ANXA5: variants seen among roughly 807,000 people sequenced by gnomAD.
ANXA5 encodes the protein CBP-I.
ANXA5 carries 40 observed loss-of-function variants against 48.1 expected under a neutral mutation model. That is an observed-to-expected ratio of 0.83 (90% confidence interval 0.65 to 1.08). ANXA5 has a LOEUF of 1.08. Ranked by LOEUF, ANXA5 falls within the 50% of genes least tolerant of loss-of-function variation. The pLI is 0.00. For missense variants in ANXA5, 357 were observed against 376.8 expected (o/e 0.95, Z 0.44); for synonymous variants, 113 against 129.1 (o/e 0.88, Z 0.85).
intron 6 of ANXA5, 135 bp downstream of exon 6, chr4:121,681,536 G>GGTC (rs1724792491): frequency 1.7e-6 from 1 of 578,336 alleles, no homozygotes; most frequent in Non-Finnish European, 3.1e-6. Context: ...TTGAATTGCA[G>GGTC]GTCATTCATT....
intron 4 of ANXA5, 94 bp from the exon 5 acceptor site, chr4:121,683,571 T>C: frequency 1.5e-6 from 1 of 678,234 alleles, no homozygotes; most frequent in Non-Finnish European, 2.5e-6. Flanking sequence ...TAATGAATTC[T>C]TTATGTTGCT....
Position 121,686,289 on chromosome 4 carries a change from C to G in ANXA5, c.93G>C (p.Leu31Phe). ...TTAGAAAGAGGAAGCTAAATTTACCCAAGCCTTTCATAGCCTTCCGAAGAG... is the reference window on the plus strand; with the variant it reads ...TTAGAAAGAGGAAGCTAAATTTACCGAAGCCTTTCATAGCCTTCCGAAGAG... Reference protein sequence around the residue: ...AETLRKAMKGLGTDEESILTL... With the variant: ...AETLRKAMKGFGTDEESILTL... Residue 31 changes from leucine to phenylalanine, a missense_variant and splice_region_variant, in exon 3 of 13, where the codon TTG becomes TTC. Physicochemically the swap from Leu to Phe is conservative, Grantham distance 22. Transcript: ENST00000296511. 6.2e-7 allele frequency: 1 copy of G among 1,613,048 alleles called. No individual in the cohort carries two copies. The highest frequency in any genetic ancestry group is 8.5e-7 in the Non-Finnish European group (1 of 1,179,494).
chr4:121,670,021 A>G lies in ANXA5; in HGVS notation c.722-9T>C. 6.3e-7 allele frequency: 1 copy of G among 1,581,654 alleles called. No homozygotes were observed. Among genetic ancestry groups the G allele is most frequent in the Non-Finnish European group, 8.6e-7 (1 of 1,158,540 alleles). ...ACTTCGAATAGATTTCACTAAGAAA[A>G]TAAACAATACAATGGTCAAATGCTA... On this transcript the variant is annotated splice_polypyrimidine_tract_variant and intron_variant, in intron 10 of 12. Transcript: ENST00000296511.
intron 3 of ANXA5, 93 bp downstream of exon 3, chr4:121,686,195 T>C: frequency 1.0e-6 from 1 of 974,778 alleles, no homozygotes; most frequent in Admixed American, 2.1e-5. Flanking sequence ...AGATTTCAGA[T>C]CAAAATATTC....
intron 2 of ANXA5, among the ~76,000 whole-genome samples, chr4:121,690,657 T>A (rs1377796363): frequency 6.6e-6 from 1 of 152,000 alleles, no homozygotes; most frequent in Non-Finnish European, 1.5e-5. Context: ...AGGGAGAGGT[T>A]AGAAACAGAA....
At chr4:121,690,844 A>G (rs1724970736) in intron 2 of ANXA5, among the ~76,000 whole-genome samples, 1 of 152,222 alleles carries the variant, frequency 6.6e-6, no homozygotes, top group East Asian at 1.9e-4. Context: ...CTTTTGCTAC[A>G]TTCCATACAG....
intron 7 of ANXA5, 77 bp from the exon 8 acceptor site, chr4:121,678,027 T>G: frequency 9.3e-7 from 1 of 1,072,554 alleles, no homozygotes. Context: ...CACCTGATGG[T>G]TATTCAATAA....
At position 121,671,646 on chromosome 4, in the gene ANXA5, G is replaced by GA; in HGVS notation, c.626-5dup. 1 of 1,594,686 alleles carries GA rather than the reference G, an allele frequency of 6.3e-7. No individual in the cohort carries two copies. The highest frequency in any genetic ancestry group is 8.6e-7 in the Non-Finnish European group (1 of 1,163,472). ...ATAGTCATGTACTTGTCAAACACTA[G>GA]AAAAAATAAAAATGATTCCCTAATC... On this transcript the variant is annotated splice_region_variant and splice_polypyrimidine_tract_variant and intron_variant, in intron 9 of 12. Transcript: ENST00000296511.
At chr4:121,679,620 CT>C (rs1451069451) in intron 6 of ANXA5, among the ~76,000 whole-genome samples, 2 of 152,160 alleles carry the variant, frequency 1.3e-5, no homozygotes, top group African/African-American at 4.8e-5. Context: ...CAGCCAGGCC[CT>C]CTCCGTCCCT....
chr4:121,671,256 G>C (rs1437464623), intron 10 of ANXA5, among the ~76,000 whole-genome samples: 1 of 152,102 alleles, frequency 6.6e-6, no homozygotes, highest in African/African-American at 2.4e-5. Flanking sequence ...CTGAGATAAT[G>C]TCCACGACAT....
At position 121,668,386 on chromosome 4, in the gene ANXA5, G is replaced by T; in HGVS notation, c.*82C>A. The T allele has an allele frequency of 8.4e-7, 1 of 1,196,992 alleles. No homozygotes were observed. Among genetic ancestry groups the T allele is most frequent in the African/African-American group, 1.5e-5 (1 of 66,634 alleles). The allele number at this position is 1,196,992 out of a possible 1,614,324, so 74.1% of individuals were successfully genotyped here. On this transcript the variant is annotated 3_prime_UTR_variant, in exon 13 of 13. Transcript: ENST00000296511. Reference sequence around the variant, plus strand: ...GAATAAGGCAATGTGTTAAGCACTGGCATACAAATGCAGCTAAAGGTGCTG... The same window carrying T: ...GAATAAGGCAATGTGTTAAGCACTGTCATACAAATGCAGCTAAAGGTGCTG...
intron 2 of ANXA5, among the ~76,000 whole-genome samples, chr4:121,690,021 A>G (rs1288910461): frequency 6.6e-6 from 1 of 152,276 alleles, no homozygotes; most frequent in East Asian, 1.9e-4. Flanking sequence ...GCAAGACAAT[A>G]TTAATGGGGT....
At chr4:121,683,760 T>C (rs1176488567) in intron 4 of ANXA5, among the ~76,000 whole-genome samples, 1 of 152,220 alleles carries the variant, frequency 6.6e-6, no homozygotes, top group East Asian at 1.9e-4. Flanking sequence ...AGTCTAAAAC[T>C]ATTTTATAAA....
chr4:121,690,888 T>C (rs1171835831), intron 2 of ANXA5, among the ~76,000 whole-genome samples: 1 of 152,218 alleles, frequency 6.6e-6, no homozygotes, highest in Non-Finnish European at 1.5e-5. Flanking sequence ...CAAAGCCACG[T>C]AGCGGTATTA....
At position 121,681,932 on chromosome 4, in the gene ANXA5, G is replaced by T. The variant is rs562043413; in HGVS notation, c.304-171C>A. 1.6e-4 allele frequency among the ~76,000 whole-genome samples: 24 copies of T among 152,186 alleles called. 1 individual carries two copies. The South Asian group carries it at 4.6e-3, about 29-fold the overall frequency. On this transcript the variant is annotated intron_variant, in intron 5 of 12. Coordinates refer to ENST00000296511, the MANE Select transcript of ANXA5 (RefSeq NM_001154.4). ...GTTATAGAAATAACAAGTTTTAAAT[G>T]ATTTTCTCTCCAAAGACCATTTTAT...
At chr4:121,678,602 G>A (rs1378459301) in intron 6 of ANXA5, 108 bp from the exon 7 acceptor site, 4 of 908,412 alleles carry the variant, frequency 4.4e-6, no homozygotes, top group Non-Finnish European at 6.7e-6. Flanking sequence ...AATTATATTT[G>A]GTTAACATAA....
At chr4:121,687,989 A>AC (rs1724921573) in intron 2 of ANXA5, among the ~76,000 whole-genome samples, 1 of 151,896 alleles carries the variant, frequency 6.6e-6, no homozygotes, top group African/African-American at 2.4e-5. Context: ...TTGAAACCCT[A>AC]CCCCACCACA....
intron 8 of ANXA5, among the ~76,000 whole-genome samples, chr4:121,677,219 C>G (rs1425486777): frequency 1.3e-5 from 2 of 152,122 alleles, no homozygotes; most frequent in African/African-American, 4.8e-5. Flanking sequence ...AAACATGTGA[C>G]CAGAAAGAGG....
intron 8 of ANXA5, among the ~76,000 whole-genome samples, chr4:121,676,212 C>T (rs982042776): frequency 2.6e-5 from 4 of 152,186 alleles, no homozygotes; most frequent in Non-Finnish European, 5.9e-5. Flanking sequence ...TGTAGGGTTG[C>T]TCTAGCCCTC....
Sources: allele counts gnomAD v4.1 joint callset (sites outside exome capture counted in the v4.1 genomes callset), GRCh38; gene constraint gnomAD v4.1.1; transcripts MANE v1.5; gene names NCBI Gene and HGNC (gene_info 2026-07-23, HGNC 2026-07-21).